GEMIN7: variants seen among roughly 807,000 people sequenced by gnomAD.
GEMIN7 encodes the protein gem nuclear organelle associated protein 7.
In GEMIN7, 7 loss-of-function variants were observed where a neutral mutation model predicts 7.8. The ratio of observed to expected loss-of-function variants is 0.90; its 90% CI spans 0.51 to 1.69. The LOEUF is 1.69. Among genes scored for constraint, GEMIN7 ranks in the 40% most tolerant of loss-of-function variants. The pLI is 0.00. For missense variants in GEMIN7, 159 were observed against 176.2 expected, an observed-to-expected ratio of 0.90 and a Z score of 0.55; for synonymous variants, 68 against 72.4, an observed-to-expected ratio of 0.94 and a Z score of 0.31.
At chr19:45,085,009 G>C (rs2122666929) in intron 2 of GEMIN7, among the ~76,000 whole-genome samples, 1 of 152,344 alleles carries the variant, frequency 6.6e-6, no homozygotes, top group East Asian at 1.9e-4. Context: ...CTGACCTCAG[G>C]TGATCCGCCC....
intron 2 of GEMIN7, chr19:45,085,260 C>T (rs1335324649): frequency 6.6e-6 from 1 of 152,214 alleles, no homozygotes; most frequent in African/African-American, 2.4e-5. Context: ...TCCTTCCTCC[C>T]TCTTTGTGAC....
chr19:45,080,923 G>T (rs1967484425), intron 2 of GEMIN7, among the ~76,000 whole-genome samples: 3 of 152,092 alleles, frequency 2.0e-5, no homozygotes, highest in East Asian at 3.9e-4. Flanking sequence ...GGTTTCTCTT[G>T]AAACTCAAGT....
chr19:45,080,511 G>A (rs918111089), intron 2 of GEMIN7, among the ~76,000 whole-genome samples: 1 of 151,998 alleles, frequency 6.6e-6, no homozygotes, highest in African/African-American at 2.4e-5. Context: ...GCGTAGCTGG[G>A]ATTACAGATG....
chr19:45,087,953 T>C (rs1336547867), intron 2 of GEMIN7, among the ~76,000 whole-genome samples: 1 of 87,632 alleles, frequency 1.1e-5, no homozygotes, highest in Non-Finnish European at 2.4e-5. Context: ...TTTTTTTTTT[T>C]TTTTTTTTTT....
chr19:45,090,271 T>C lies in GEMIN7; in HGVS notation c.157T>C (p.Ser53Pro). The C allele has an allele frequency of 6.2e-7, 1 of 1,614,192 alleles. No individual in the cohort carries two copies. The highest frequency in any genetic ancestry group is 2.2e-5 in the East Asian group (1 of 44,882). Residue 53 changes from serine (S) to proline (P), a missense_variant, in exon 3 of 3, where the codon TCC (serine) becomes CCC (proline). Physicochemically the swap from Ser to Pro is moderately conservative, Grantham distance 74. Transcript: ENST00000270257. ...TCCCATAGCTCAAGAATCCCTGGAA[T>C]CCCAGGAGCAGCGGGCACGAGCCGC... ...ECPIAQESLE[S>P]QEQRARAALR...
At position 45,082,510 on chromosome 19, in the gene GEMIN7, G is replaced by A. The variant is rs888206856; in HGVS notation, c.-9+2481G>A. Among the ~76,000 whole-genome samples the A allele has an allele frequency of 1.4e-4, 21 of 152,324 alleles. No individual in the cohort carries two copies. The East Asian group carries it at 1.7e-3, about 13-fold the overall frequency. On this transcript the variant is annotated intron_variant, in intron 2 of 2. Coordinates refer to ENST00000270257, the MANE Select transcript of GEMIN7 (RefSeq NM_024707.3). Reference sequence around the variant, plus strand: ...TATTGGACTGTGAGCCCACAAAGGCGGAACTGGGCTCTCAGTCCTAGACGT... The same window carrying A: ...TATTGGACTGTGAGCCCACAAAGGCAGAACTGGGCTCTCAGTCCTAGACGT...
intron 2 of GEMIN7, among the ~76,000 whole-genome samples, chr19:45,087,470 G>C (rs1465804002): frequency 9.5e-6 from 1 of 105,800 alleles, no homozygotes; most frequent in East Asian, 2.1e-4. Context: ...TGGTCTCTAT[G>C]GCAGGCAGTT....
chr19:45,075,959 G>C, upstream of GEMIN7: 1 of 1,589,154 alleles, frequency 6.3e-7, no homozygotes, highest in Non-Finnish European at 8.6e-7. Context: ...AAGGGGGCCT[G>C]AGGGGCAGGA....
At position 45,090,491 on chromosome 19, in the gene GEMIN7, C is replaced by T. The variant is rs141678139; in HGVS notation, c.377C>T (p.Ser126Leu). Residue 126 changes from serine to leucine, a missense_variant, in exon 3 of 3, where the codon TCA (serine) becomes TTA (leucine). Coordinates refer to ENST00000270257, the MANE Select transcript of GEMIN7 (RefSeq NM_024707.3). Reference protein sequence around the residue: ...EALLRCSDIISYTFKP With the variant: ...EALLRCSDIILYTFKP ...CTGCTCCGATGTAGTGACATTATTT[C>T]ATATACCTTCAAGCCATAAAGATAT... is the stretch of plus-strand genomic sequence containing the variant. 2 of 1,609,390 alleles carry T rather than the reference C, an allele frequency of 1.2e-6. No homozygotes were observed. The highest frequency in any genetic ancestry group is 1.7e-6 in the Non-Finnish European group (2 of 1,176,754).
chr19:45,076,272 G>C (rs746011047), upstream of GEMIN7: 5 of 1,489,822 alleles, frequency 3.4e-6, no homozygotes, highest in East Asian at 1.3e-4. The surrounding 1 kb of genome is among the most constrained non-coding windows in gnomAD (Gnocchi z 4.9). Flanking sequence ...GCTCGGGCTT[G>C]AGTTCGATGA....
rs940326209 is a variant in GEMIN7 at position 45,090,476 on chromosome 19, G to A, written c.362G>A (p.Cys121Tyr). The A allele has an allele frequency of 1.2e-6, 2 of 1,612,582 alleles. No homozygotes were observed. The highest frequency in any genetic ancestry group is 1.7e-6 in the Non-Finnish European group (2 of 1,179,098). The change falls in exon 3 of 3, where the codon TGT becomes TAT. Residue 121 changes from cysteine (C) to tyrosine (Y), a missense_variant. By Grantham distance (194) the Cys-to-Tyr change is radical (BLOSUM62 -2). Transcript: ENST00000270257. Reference sequence around the variant, plus strand: ...GTGCAAGCAGAGGCGCTGCTCCGATGTAGTGACATTATTTCATATACCTTC... The same window carrying A: ...GTGCAAGCAGAGGCGCTGCTCCGATATAGTGACATTATTTCATATACCTTC... Reference protein sequence around the residue: ...IGVQAEALLRCSDIISYTFKP With the variant: ...IGVQAEALLRYSDIISYTFKP
At chr19:45,077,805 T>C (rs1967385115), upstream of GEMIN7, among the ~76,000 whole-genome samples, 1 of 152,058 alleles carries the variant, frequency 6.6e-6, no homozygotes, top group African/African-American at 2.4e-5. Context: ...GTAGGGCAGG[T>C]TGGAACTAGA....
chr19:45,077,529 C>T (rs1474633224), upstream of GEMIN7, among the ~76,000 whole-genome samples: 1 of 152,162 alleles, frequency 6.6e-6, no homozygotes, highest in African/African-American at 2.4e-5. Context: ...TCTCCCCCAC[C>T]CAATGCAAGC....
chr19:45,090,015 T>C, intron 2 of GEMIN7, 92 bp from the exon 3 acceptor site: 1 of 1,358,228 alleles, frequency 7.4e-7, no homozygotes, highest in Non-Finnish European at 1.0e-6. Context: ...TGGAGCTGCC[T>C]GGTAGACCAG....
At chr19:45,076,386 G>A, upstream of GEMIN7, 1 of 1,279,160 alleles carries the variant, frequency 7.8e-7, no homozygotes, top group Non-Finnish European at 9.9e-7. This position sits in a 1 kb window ranked among gnomAD's most constrained non-coding sequence, Gnocchi z 4.9. Flanking sequence ...GTCGCGGGCC[G>A]GGCGAGCGAG....
Position 45,090,390 on chromosome 19 carries a change from T to A in GEMIN7, c.276T>A (p.Phe92Leu). The change falls in exon 3 of 3, where the codon TTT becomes TTA. Residue 92 changes from phenylalanine to leucine, a missense_variant. Coordinates refer to ENST00000270257, the MANE Select transcript of GEMIN7 (RefSeq NM_024707.3). ...AGGGTGTGCGTGTGGCCGCCCACTT[T>A]GGAGCCACCGACCTGGATGTGGCCA... is the stretch of plus-strand genomic sequence containing the variant. ...LHEGVRVAAH[F>L]GATDLDVANF... 2 of 1,614,168 alleles carry A rather than the reference T, an allele frequency of 1.2e-6. No individual in the cohort carries two copies. The highest frequency in any genetic ancestry group is 1.7e-6 in the Non-Finnish European group (2 of 1,180,038).
intron 2 of GEMIN7, among the ~76,000 whole-genome samples, chr19:45,084,872 C>T (rs893045790): frequency 2.6e-5 from 4 of 152,274 alleles, no homozygotes; most frequent in Admixed American, 2.6e-4. Flanking sequence ...TCTCCTGCTT[C>T]AGCCTTCCAA....
upstream of GEMIN7, chr19:45,076,216 G>T (rs776389075): frequency 1.3e-6 from 2 of 1,507,070 alleles, no homozygotes; most frequent in South Asian, 2.6e-5. This position sits in a 1 kb window ranked among gnomAD's most constrained non-coding sequence, Gnocchi z 4.9. Flanking sequence ...CACCTCCTTC[G>T]GGGAGAAGGG....
At chr19:45,083,468 G>C (rs1967568174) in intron 2 of GEMIN7, among the ~76,000 whole-genome samples, 1 of 151,894 alleles carries the variant, frequency 6.6e-6, no homozygotes, top group Admixed American at 6.6e-5. Flanking sequence ...TGCCAAGGAG[G>C]ATTCTATTTG....
Sources: allele counts gnomAD v4.1 joint callset (sites outside exome capture counted in the v4.1 genomes callset), GRCh38; gene constraint gnomAD v4.1.1; non-coding constraint Gnocchi (gnomAD v3.1); transcripts MANE v1.5; gene names NCBI Gene and HGNC (gene_info 2026-07-23, HGNC 2026-07-21).